PSMA1: variants seen among roughly 807,000 people sequenced by gnomAD.
PSMA1 encodes the protein proteasome subunit alpha type-1.
A neutral mutation model predicts 38.4 loss-of-function variants in PSMA1; 3 were observed. That is an observed-to-expected ratio of 0.08 (90% CI 0.04 to 0.20). The LOEUF (loss-of-function observed/expected upper bound fraction) is 0.20, where lower values mean the gene tolerates loss of function less well. Among genes scored for constraint, PSMA1 ranks in the 10% least tolerant of loss-of-function variants. The probability of loss-of-function intolerance (pLI) is 1.00; values close to 1 mark genes in which losing one functional copy is unlikely to be tolerated. For synonymous variants in PSMA1, 101 were observed against 107.1 expected (o/e 0.94, Z 0.35); for missense variants, 227 against 325.3 (o/e 0.70, Z 2.32).
At chr11:14,602,165 A>G (rs559461561) in intron 2 of PSMA1, among the ~76,000 whole-genome samples, 78 of 152,344 alleles carry the variant, frequency 5.1e-4, no homozygotes, top group African/African-American at 1.7e-3. Flanking sequence ...AGGATCCAGC[A>G]GGATGGAGAA....
upstream of PSMA1, among the ~76,000 whole-genome samples, chr11:14,522,287 A>G (rs1851539433): frequency 6.6e-6 from 1 of 152,180 alleles, no homozygotes; most frequent in Non-Finnish European, 1.5e-5. Flanking sequence ...TGTGCAATTC[A>G]ATTGTTTCCA....
intron 2 of PSMA1, among the ~76,000 whole-genome samples, chr11:14,550,894 T>C (rs1217059619): frequency 2.0e-5 from 3 of 152,196 alleles, no homozygotes. Flanking sequence ...TTTTGCAAAT[T>C]TGGAGTATCA....
chr11:14,563,694 TA>T (rs983931727), intron 2 of PSMA1, among the ~76,000 whole-genome samples: 15 of 151,014 alleles, frequency 9.9e-5, no homozygotes, highest in South Asian at 6.3e-4. Flanking sequence ...GCAGATAAGC[TA>T]AAAAAAAATG....
chr11:14,571,462 C>A (rs1468778833), intron 2 of PSMA1, among the ~76,000 whole-genome samples: 1 of 152,084 alleles, frequency 6.6e-6, no homozygotes, highest in African/African-American at 2.4e-5. Context: ...ACAGACAATG[C>A]AGAGAGATTT....
intron 8 of PSMA1, among the ~76,000 whole-genome samples, chr11:14,509,745 C>A (rs1291171084): frequency 7.3e-6 from 1 of 136,732 alleles, no homozygotes; most frequent in African/African-American, 2.8e-5. Context: ...GACGGAGTCT[C>A]GCTCTGTCGC....
chr11:14,593,296 A>G (rs1229364714), intron 2 of PSMA1, among the ~76,000 whole-genome samples: 4 of 152,228 alleles, frequency 2.6e-5, no homozygotes, highest in Non-Finnish European at 5.9e-5. Flanking sequence ...AGAGCCTTGT[A>G]TATCTACAAT....
At chr11:14,509,720 T>G (rs1409932240) in intron 8 of PSMA1, among the ~76,000 whole-genome samples, 2 of 145,190 alleles carry the variant, frequency 1.4e-5, no homozygotes, top group African/African-American at 5.1e-5. Context: ...GTTGTTTTTT[T>G]TTTTTTTTTT....
chr11:14,512,032 T>C (rs1851352766), intron 7 of PSMA1, among the ~76,000 whole-genome samples: 1 of 152,206 alleles, frequency 6.6e-6, no homozygotes, highest in Admixed American at 6.5e-5. Context: ...TAAAATACTT[T>C]AAGACAAATA....
At position 14,593,147 on chromosome 11, in the gene PSMA1, T is replaced by C. The variant is rs938064374; in HGVS notation, c.21+17819A>G. Reference sequence around the variant, plus strand: ...TAGCAACCCCAATTAAATAGTACCATAGAATTCCCTTATCTCAAATGAGAA... The same window carrying C: ...TAGCAACCCCAATTAAATAGTACCACAGAATTCCCTTATCTCAAATGAGAA... On this transcript the variant is annotated intron_variant, in intron 2 of 10. Transcript: ENST00000418988. 1.1e-4 allele frequency among the ~76,000 whole-genome samples: 17 copies of C among 152,288 alleles called. 2 individuals are homozygous for C. In the South Asian group the frequency reaches 2.5e-3, roughly 22 times the overall value.
rs948400095 is a variant in PSMA1, at chr11:14,517,511, C to T, written c.254+131G>A. The T allele has an allele frequency of 1.1e-5, 8 of 739,952 alleles. No homozygotes were observed. The African/African-American group carries it at 1.5e-4, about 14-fold the overall frequency. The allele number at this position is 739,952 out of a possible 1,614,324, so 45.8% of individuals were successfully genotyped here. ...AATTTAATAACAAACTCAAAACCAC[C>T]AAGGTATTCATAATCTTAATTTACA... On this transcript the variant is annotated intron_variant, in intron 4 of 9. Transcript: ENST00000396394.
chr11:14,514,589 CA>C (rs1168999639), intron 4 of PSMA1, 98 bp from the exon 5 acceptor site: 14 of 906,852 alleles, frequency 1.5e-5, no homozygotes, highest in African/African-American at 5.2e-5. Context: ...CAAGCGTTTA[CA>C]TGGATAACAT....
chr11:14,571,143 A>G (rs1358544919), intron 2 of PSMA1, among the ~76,000 whole-genome samples: 7 of 152,122 alleles, frequency 4.6e-5, no homozygotes, highest in African/African-American at 1.2e-4. Flanking sequence ...GATCATGGCA[A>G]GCTCCACCTC....
chr11:14,505,516 T>G (rs1441474774), intron 9 of PSMA1, among the ~76,000 whole-genome samples: 1 of 152,128 alleles, frequency 6.6e-6, no homozygotes, highest in Non-Finnish European at 1.5e-5. Context: ...AGGGTCCACT[T>G]ATATGCAGAT....
intron 2 of PSMA1, among the ~76,000 whole-genome samples, chr11:14,595,519 T>C (rs1229800232): frequency 6.6e-6 from 1 of 152,256 alleles, no homozygotes; most frequent in African/African-American, 2.4e-5. Context: ...ATGAGCATTT[T>C]TTCATGTGTC....
intron 2 of PSMA1, among the ~76,000 whole-genome samples, chr11:14,518,240 T>C (rs1164107813): frequency 6.6e-6 from 1 of 151,980 alleles, no homozygotes; most frequent in Non-Finnish European, 1.5e-5. Context: ...TAGCTGGGAC[T>C]ATAGGCAAGC....
At chr11:14,638,549 A>C (rs992743728) in intron 1 of PSMA1, among the ~76,000 whole-genome samples, 981 of 11,688 alleles carry the variant, frequency 0.084, 14 homozygotes, top group African/African-American at 0.13. Context: ...CTCTCTCTAT[A>C]TATATATATA....
At chr11:14,573,070 G>A (rs1055956385) in intron 2 of PSMA1, among the ~76,000 whole-genome samples, 4 of 152,062 alleles carry the variant, frequency 2.6e-5, no homozygotes, top group Non-Finnish European at 4.4e-5. Flanking sequence ...ATTCACAGCC[G>A]AATTCTACCA....
intron 7 of PSMA1, among the ~76,000 whole-genome samples, chr11:14,512,322 C>T (rs1277587637): frequency 6.6e-6 from 1 of 151,528 alleles, no homozygotes. Flanking sequence ...TGCAATAAGC[C>T]GAGATCGCGC....
chr11:14,583,978 T>G (rs530488887), intron 2 of PSMA1, among the ~76,000 whole-genome samples: 3 of 152,180 alleles, frequency 2.0e-5, no homozygotes, highest in African/African-American at 7.2e-5. Flanking sequence ...AGGGAGTGAT[T>G]ATCCCCAGCA....
Sources: gnomAD v4.1 joint callset for allele counts (sites outside exome capture counted in the v4.1 genomes callset) on GRCh38, gnomAD v4.1.1 for gene constraint, MANE v1.5 for transcripts, NCBI Gene and HGNC (gene_info 2026-07-23, HGNC 2026-07-21) for gene names.